CHLSN: variants seen among roughly 807,000 people sequenced by gnomAD.
CHLSN encodes the protein protein cholesin.
At chr7:995,208 T>C in the CHLSN span, among the ~76,000 whole-genome samples, 1 of 152,202 alleles carries the variant, frequency 6.6e-6, no homozygotes, top group Non-Finnish European at 1.5e-5. Flanking sequence ...CTGCACGGGG[T>C]AGGGAGACCC....
At chr7:988,428 C>T in the CHLSN span, 3 of 1,612,326 alleles carry the variant, frequency 1.9e-6, no homozygotes, top group South Asian at 1.1e-5. Context: ...GGTCAGCAGC[C>T]CTCGGGGCCG....
At chr7:1,028,763 T>G in the CHLSN span, 2 of 555,884 alleles carry the variant, frequency 3.6e-6, no homozygotes, top group Non-Finnish European at 4.3e-6. Context: ...TCTGTCCCCA[T>G]CTCCCCTAGT....
the CHLSN span, chr7:987,108 G>T: frequency 6.5e-7 from 1 of 1,545,544 alleles, no homozygotes; most frequent in East Asian, 2.3e-5. Context: ...CCTCTGCAGG[G>T]GGATGACCCC....
chr7:1,047,454 A>G, the CHLSN span, among the ~76,000 whole-genome samples: 1 of 152,266 alleles, frequency 6.6e-6, no homozygotes, highest in Admixed American at 6.5e-5. Flanking sequence ...GAAGGCACAG[A>G]TAGGAATCAG....
chr7:984,978 G>A, the CHLSN span: 3 of 1,607,814 alleles, frequency 1.9e-6, no homozygotes, highest in South Asian at 3.3e-5. Context: ...GGGCGCGCTG[G>A]AGGGCTGCCC....
chr7:1,008,975 A>G, the CHLSN span, among the ~76,000 whole-genome samples: 1 of 148,934 alleles, frequency 6.7e-6, no homozygotes, highest in Non-Finnish European at 1.5e-5. Flanking sequence ...ATGCGTGCAC[A>G]CACACCCATG....
the CHLSN span, among the ~76,000 whole-genome samples, chr7:1,060,161 AG>A: frequency 4.5e-4 from 68 of 152,194 alleles, no homozygotes; most frequent in African/African-American, 1.5e-3. Flanking sequence ...CCGTGAGAAA[AG>A]CCCCCATTCC....
At chr7:1,040,182 T>C in the CHLSN span, among the ~76,000 whole-genome samples, 1 of 96,060 alleles carries the variant, frequency 1.0e-5, no homozygotes, top group Non-Finnish European at 2.2e-5. Context: ...AAAAATAAAT[T>C]TAAAAAAAAA....
the CHLSN span, among the ~76,000 whole-genome samples, chr7:1,105,198 C>T: frequency 2.0e-5 from 3 of 152,254 alleles, no homozygotes; most frequent in African/African-American, 7.2e-5. Flanking sequence ...TAAAATCTCA[C>T]TTCAGCTTAA....
chr7:1,040,690 CAAA>C, the CHLSN span, among the ~76,000 whole-genome samples: 20 of 145,352 alleles, frequency 1.4e-4, no homozygotes, highest in Non-Finnish European at 1.4e-4. Flanking sequence ...TTAAAAAGAA[CAAA>C]AAAAAAAAAA....
the CHLSN span, among the ~76,000 whole-genome samples, chr7:1,044,082 T>C: frequency 6.6e-6 from 1 of 152,160 alleles, no homozygotes. Context: ...ACAAAGAAAA[T>C]CCTAAAACCA....
At chr7:1,115,988 G>A in the CHLSN span, among the ~76,000 whole-genome samples, 46 of 123,150 alleles carry the variant, frequency 3.7e-4, no homozygotes, top group Middle Eastern at 6.8e-3. Flanking sequence ...GCAGCTCTAC[G>A]GACCGGCTTC....
chr7:1,135,659 C>T, the CHLSN span, among the ~76,000 whole-genome samples: 4 of 150,858 alleles, frequency 2.7e-5, no homozygotes, highest in South Asian at 2.1e-4. Flanking sequence ...CCCAGCTACT[C>T]GGGAGGCTGA....
the CHLSN span, among the ~76,000 whole-genome samples, chr7:1,062,285 C>T: frequency 2.6e-5 from 4 of 152,138 alleles, no homozygotes; most frequent in East Asian, 5.8e-4. Flanking sequence ...AGGAAATCTA[C>T]ACACGTCTTC....
the CHLSN span, among the ~76,000 whole-genome samples, chr7:1,081,196 C>T: frequency 2.0e-5 from 3 of 152,238 alleles, no homozygotes; most frequent in African/African-American, 4.8e-5. Flanking sequence ...CGGGCAGTGC[C>T]GCTGGGAGAC....
At chr7:1,122,439 TGG>T in the CHLSN span, among the ~76,000 whole-genome samples, 1 of 152,084 alleles carries the variant, frequency 6.6e-6, no homozygotes, top group African/African-American at 2.4e-5. Context: ...CTGCATGGGG[TGG>T]TCACGCGTAT....
the CHLSN span, among the ~76,000 whole-genome samples, chr7:1,073,117 C>G: frequency 6.6e-6 from 1 of 152,132 alleles, no homozygotes; most frequent in South Asian, 2.1e-4. Flanking sequence ...CTAGGCCCAC[C>G]GACCAAAACC....
At chr7:1,018,087 C>A in the CHLSN span, among the ~76,000 whole-genome samples, 1 of 152,218 alleles carries the variant, frequency 6.6e-6, no homozygotes, top group Admixed American at 6.5e-5. Flanking sequence ...CACGAGCACG[C>A]ATACACACGC....
the CHLSN span, among the ~76,000 whole-genome samples, chr7:1,103,087 G>T: frequency 6.6e-6 from 1 of 152,336 alleles, no homozygotes; most frequent in East Asian, 1.9e-4. Flanking sequence ...TCTGGATGGG[G>T]TCTCCCGGGC....
Sources: allele counts gnomAD v4.1 joint callset (sites outside exome capture counted in the v4.1 genomes callset), GRCh38; gene constraint gnomAD v4.1.1; transcripts MANE v1.5; gene names NCBI Gene and HGNC (gene_info 2026-07-23, HGNC 2026-07-21).